The following NUBP2 variants were observed in gnomAD, a reference collection of about 807,000 sequenced individuals.
The protein encoded by NUBP2 is NUBP iron-sulfur cluster assembly factor 2, cytosolic, also known as cytosolic Fe-S cluster assembly factor NUBP2.
In NUBP2, 23 loss-of-function variants were observed where a neutral mutation model predicts 24.9. The ratio of observed to expected loss-of-function variants is 0.92; its 90% confidence interval spans 0.66 to 1.31. The LOEUF (loss-of-function observed/expected upper bound fraction) is 1.31, where lower values mean the gene tolerates loss of function less well. NUBP2 is among the 50% of genes most tolerant of loss of function. The pLI, the probability that NUBP2 is intolerant of heterozygous loss-of-function variation, is 0.00. For missense variants in NUBP2, 403 were observed against 386.5 expected, an observed-to-expected ratio of 1.04 and a Z score of -0.36; for synonymous variants, 186 against 170.9, an observed-to-expected ratio of 1.09 and a Z score of -0.69.
chr16:1,786,484 T>G lies in NUBP2; in HGVS notation c.17-53T>G, dbSNP rs374886365. On this transcript the variant is annotated intron_variant, in intron 1 of 6. Coordinates refer to ENST00000262302, the MANE Select transcript of NUBP2 (RefSeq NM_012225.4). ...GAGGCAGTGGGTGACCCCGCGTGTGTGGGCACAGTGGGCACCAGGAGCCCT... is the reference window on the plus strand; with the variant it reads ...GAGGCAGTGGGTGACCCCGCGTGTGGGGGCACAGTGGGCACCAGGAGCCCT... 67 of 1,469,424 alleles carry G rather than the reference T, an allele frequency of 4.6e-5. No individual in the cohort carries two copies. In the East Asian group the frequency reaches 7.8e-4, roughly 17 times the overall value. The allele number at this position is 1,469,424 out of a possible 1,614,324, so 91.0% of individuals were successfully genotyped here. A position where few individuals can be genotyped will look rare whatever the true frequency, so the allele number is the denominator to read the frequency against.
rs567341113 is a variant in NUBP2, at chr16:1,785,405, T to A, written c.17-1132T>A. 2.6e-6 allele frequency: 3 copies of A among 1,172,192 alleles called. No individual in the cohort carries two copies. In the South Asian group the frequency reaches 4.9e-5, roughly 19 times the overall value. 72.6% of individuals were successfully genotyped at this position (1,172,192 alleles called of 1,614,324 possible). On this transcript the variant is annotated intron_variant, in intron 1 of 6. Transcript: ENST00000262302. ...CAGACAGGCACCATTCCCCCACCTC[T>A]GCCAACGAGGAGAGCCCCTGGGGGT...
intron 1 of NUBP2, chr16:1,785,242 C>T (rs896825387): frequency 3.9e-6 from 4 of 1,021,670 alleles, no homozygotes; most frequent in African/African-American, 3.4e-5. Context: ...CTCATGCTGA[C>T]TGTGCTTTGC....
chr16:1,787,282 G>T, intron 3 of NUBP2: 1 of 404,086 alleles, frequency 2.5e-6, no homozygotes, highest in Non-Finnish European at 4.5e-6. Context: ...GGCATTAGAC[G>T]CCCCCAAAGG....
At chr16:1,787,353 C>G in intron 3 of NUBP2, 1 of 449,928 alleles carries the variant, frequency 2.2e-6, no homozygotes, top group Non-Finnish European at 4.0e-6. Context: ...GCATCCACCA[C>G]GGAGAATGTG....
chr16:1,787,582 A>G, intron 3 of NUBP2, 95 bp from the exon 4 acceptor site: 1 of 1,496,212 alleles, frequency 6.7e-7, no homozygotes, highest in Non-Finnish European at 9.1e-7. Context: ...GATGGACTGC[A>G]GCCCCTCGGC....
At chr16:1,786,993 G>A in intron 3 of NUBP2, 38 bp downstream of exon 3, 1 of 1,485,646 alleles carries the variant, frequency 6.7e-7, no homozygotes, top group East Asian at 2.3e-5. Flanking sequence ...CCTGGTGAAG[G>A]GGGTTAGCGT....
intron 1 of NUBP2, chr16:1,783,306 G>A: frequency 8.8e-7 from 1 of 1,130,628 alleles, no homozygotes; most frequent in Non-Finnish European, 1.1e-6. Context: ...GTTGAGCACC[G>A]CGTTGTAGGC....
chr16:1,787,327 T>C (rs1440070284), intron 3 of NUBP2: 15 of 410,530 alleles, frequency 3.7e-5, no homozygotes, highest in Non-Finnish European at 1.8e-5. Context: ...GCGCAGGCTG[T>C]GGGTGCACCA....
rs375831898 is a variant in NUBP2, at chr16:1,787,006, G to A, written c.334+51G>A. 6 of 1,445,308 alleles carry A rather than the reference G, an allele frequency of 4.2e-6. 1 individual carries two copies. Among genetic ancestry groups the A allele is most frequent in the South Asian group, 2.9e-5 (2 of 70,076 alleles). The allele number at this position is 1,445,308 out of a possible 1,614,324, so 89.5% of individuals were successfully genotyped here. On this transcript the variant is annotated intron_variant, in intron 3 of 6. Coordinates refer to ENST00000262302, the MANE Select transcript of NUBP2 (RefSeq NM_012225.4). ...GTCCTGGTGAAGGGGGTTAGCGTCCGTGCCGGCCTCTCCTGTGGAAATGTT... is the reference window on the plus strand; with the variant it reads ...GTCCTGGTGAAGGGGGTTAGCGTCCATGCCGGCCTCTCCTGTGGAAATGTT...
In NUBP2 at chr16:1,786,756, G is replaced by A. The variant is rs1896990438; in HGVS notation, c.136-1G>A. ...GGCCTAGGCTGTGCCGCTCCTTGCA[G>A]GTGGGAATCCTGGATGTGGACCTGT... On this transcript the variant is annotated splice_acceptor_variant, in intron 2 of 6. Coordinates refer to ENST00000262302, the MANE Select transcript of NUBP2 (RefSeq NM_012225.4). LOFTEE classifies it high-confidence loss of function. The A allele has an allele frequency of 6.2e-7, 1 of 1,611,234 alleles. No individual in the cohort carries two copies.
chr16:1,786,204 T>G, intron 1 of NUBP2: 1 of 372,478 alleles, frequency 2.7e-6, no homozygotes, highest in Non-Finnish European at 5.0e-6. Context: ...CATGATCATG[T>G]GACCCACGTG....
chr16:1,785,696 C>T, intron 1 of NUBP2: 2 of 1,289,040 alleles, frequency 1.6e-6, no homozygotes, highest in Non-Finnish European at 2.0e-6. Context: ...CAGGCAGCCT[C>T]TGTAGGTCTG....
At chr16:1,785,297 T>A (rs1007030669) in intron 1 of NUBP2, 56 of 1,041,940 alleles carry the variant, frequency 5.4e-5, no homozygotes, top group Non-Finnish European at 6.5e-5. Context: ...AGAAGTGAAA[T>A]GTTCTTGGGG....
chr16:1,786,662 G>A lies in NUBP2; in HGVS notation c.135+7G>A, dbSNP rs62040028. Reference sequence around the variant, plus strand: ...GCGCCATGCAGGCAAGAAGGTGAGCGCCCTACCCCTCACTGGGCGGAGCCC... The same window carrying A: ...GCGCCATGCAGGCAAGAAGGTGAGCACCCTACCCCTCACTGGGCGGAGCCC... On this transcript the variant is annotated splice_region_variant and intron_variant, in intron 2 of 6. Coordinates refer to ENST00000262302, the MANE Select transcript of NUBP2 (RefSeq NM_012225.4). The A allele has an allele frequency of 0.024, 39,034 of 1,612,484 alleles. 542 individuals carry two copies. Among genetic ancestry groups the A allele is most frequent in the Non-Finnish European group, 0.028 (32,531 of 1,179,736 alleles).
chr16:1,786,054 C>T lies in NUBP2; in HGVS notation c.17-483C>T, dbSNP rs1896950946. 11 of 1,115,988 alleles carry T rather than the reference C, an allele frequency of 9.9e-6. No homozygotes were observed. The South Asian group carries it at 1.5e-4, about 15-fold the overall frequency. The allele number at this position is 1,115,988 out of a possible 1,614,324, so 69.1% of individuals were successfully genotyped here. ...TACCGCACATTGCAGGGACCGAGAG[C>T]CGGGGACGCTGGTGTGTGACAACGC... On this transcript the variant is annotated intron_variant, in intron 1 of 6. Coordinates refer to ENST00000262302, the MANE Select transcript of NUBP2 (RefSeq NM_012225.4).
At position 1,788,572 on chromosome 16, in the gene NUBP2, C is replaced by T. The variant is rs753784441; in HGVS notation, c.674C>T (p.Ser225Phe). The change falls in exon 7 of 7, where the codon TCC (serine) becomes TTC (phenylalanine). Residue 225 changes from serine (S) to phenylalanine (F), a missense_variant. Coordinates refer to ENST00000262302, the MANE Select transcript of NUBP2 (RefSeq NM_012225.4). Reference protein sequence around the residue: ...AQLAGVPFLGSVPLDPALMRT... With the variant: ...AQLAGVPFLGFVPLDPALMRT... ...CCGCCTCCACTGTGCCCTGCAGGCT[C>T]CGTGCCCCTGGACCCTGCGCTCATG... 17 of 1,603,590 alleles carry T rather than the reference C, an allele frequency of 1.1e-5. No homozygotes were observed. The East Asian group carries it at 2.9e-4, about 27-fold the overall frequency.
intron 1 of NUBP2, chr16:1,785,720 A>T (rs536532373): frequency 7.8e-7 from 1 of 1,289,070 alleles, no homozygotes; most frequent in East Asian, 5.6e-5. Context: ...ACCCGCCTGC[A>T]TGCCAGGTTC....
chr16:1,786,021 C>A, intron 1 of NUBP2: 1 of 1,180,896 alleles, frequency 8.5e-7, no homozygotes, highest in Non-Finnish European at 1.1e-6. Context: ...CAGCCGGCTC[C>A]CCTCACTTAC....
chr16:1,786,500 C>T (rs764665857), intron 1 of NUBP2, 37 bp from the exon 2 acceptor site: 1 of 1,541,816 alleles, frequency 6.5e-7, no homozygotes, highest in South Asian at 1.2e-5. Context: ...CAGTGGGCAC[C>T]AGGAGCCCTG....
Sources: gnomAD v4.1 joint callset for allele counts on GRCh38, gnomAD v4.1.1 for gene constraint, MANE v1.5 for transcripts, NCBI Gene and HGNC (gene_info 2026-07-23, HGNC 2026-07-21) for gene names.